The following LUC7L2 variants were observed in gnomAD, a reference collection of about 807,000 sequenced individuals.
The protein encoded by LUC7L2 is LUC7 like 2, pre-mRNA splicing factor, also known as putative RNA-binding protein Luc7-like 2.
LUC7L2 carries 25 observed loss-of-function variants against 52.8 expected under a neutral mutation model. That is an observed-to-expected ratio of 0.47 (90% CI 0.34 to 0.66). The LOEUF (loss-of-function observed/expected upper bound fraction) is 0.66, where lower values mean the gene tolerates loss of function less well. Among genes scored for constraint, LUC7L2 ranks in the 30% least tolerant of loss-of-function variants. The pLI is 0.01. For synonymous variants in LUC7L2, 144 were observed against 160.9 expected (o/e 0.89, Z 0.80); for missense variants, 328 against 497.8 (o/e 0.66, Z 3.25).
chr7:139,412,084 A>C (rs1023335682), intron 7 of LUC7L2, among the ~76,000 whole-genome samples: 2 of 152,058 alleles, frequency 1.3e-5, no homozygotes, highest in African/African-American at 4.8e-5. Flanking sequence ...GAACCAGTAA[A>C]TTATAATGCA....
chr7:139,343,917 C>A (rs1382838837), intron 1 of LUC7L2, among the ~76,000 whole-genome samples: 2 of 142,932 alleles, frequency 1.4e-5, no homozygotes, highest in East Asian at 2.0e-4. Flanking sequence ...CAAAGTGAGA[C>A]CCTGTCCCCA....
chr7:139,371,828 G>A (rs991498659), intron 1 of LUC7L2, among the ~76,000 whole-genome samples: 3 of 152,128 alleles, frequency 2.0e-5, no homozygotes, highest in Admixed American at 2.0e-4. Context: ...ATATTCCCTG[G>A]TGGAACTGAC....
chr7:139,412,620 G>T, intron 8 of LUC7L2, 40 bp downstream of exon 8: 3 of 1,558,156 alleles, frequency 1.9e-6, no homozygotes, highest in South Asian at 1.2e-5. Context: ...TAGTGAAGTT[G>T]TCTTTTTCAA....
chr7:139,342,195 C>T (rs6965601), intron 1 of LUC7L2, among the ~76,000 whole-genome samples: 1 of 151,946 alleles, frequency 6.6e-6, no homozygotes, highest in Non-Finnish European at 1.5e-5. Context: ...GTGTCCTGTC[C>T]TTAAGACACT....
chr7:139,368,363 T>A (rs1336529524), intron 1 of LUC7L2, among the ~76,000 whole-genome samples: 1 of 152,234 alleles, frequency 6.6e-6, no homozygotes, highest in African/African-American at 2.4e-5. Context: ...TTTAAAAAAA[T>A]GTTTTAAAAA....
At chr7:139,415,573 CTT>C (rs376954972) in intron 8 of LUC7L2, among the ~76,000 whole-genome samples, 131 of 116,150 alleles carry the variant, frequency 1.1e-3, no homozygotes, top group African/African-American at 4.3e-3. Context: ...GGAAATAACG[CTT>C]TTTTTTTTTT....
At position 139,417,671 on chromosome 7, in the gene LUC7L2, A is replaced by T; in HGVS notation, c.943A>T (p.Ser315Cys). Reference sequence around the variant, plus strand: ...CTCCAGCAGCCGTAGCCGCAGCCGTAGCCACCAGAGAAGTCGGCACAGTTC... The same window carrying T: ...CTCCAGCAGCCGTAGCCGCAGCCGTTGCCACCAGAGAAGTCGGCACAGTTC... ...SRSSSRSRSR[S>C]HQRSRHSSRD... The change falls in exon 9 of 10, where the codon AGC becomes TGC. Residue 315 changes from serine (S) to cysteine (C), a missense_variant. Physicochemically the swap from Ser to Cys is moderately radical, Grantham distance 112 (BLOSUM62 -1). Transcript: ENST00000354926. 6.2e-7 allele frequency: 1 copy of T among 1,614,232 alleles called. No individual in the cohort carries two copies. Among genetic ancestry groups the T allele is most frequent in the Non-Finnish European group, 8.5e-7 (1 of 1,180,048 alleles).
upstream of LUC7L2, among the ~76,000 whole-genome samples, chr7:139,356,916 G>A (rs1799623736): frequency 6.6e-6 from 1 of 152,136 alleles, no homozygotes; most frequent in Admixed American, 6.5e-5. Flanking sequence ...AGCAAAATAA[G>A]TGGTAAATAA....
intron 2 of LUC7L2, among the ~76,000 whole-genome samples, chr7:139,381,083 A>G (rs563828914): frequency 1.1e-4 from 16 of 151,898 alleles, no homozygotes; most frequent in Non-Finnish European, 5.9e-5. Flanking sequence ...CATATCTTCT[A>G]GTGTAAAGTC....
intron 2 of LUC7L2, among the ~76,000 whole-genome samples, chr7:139,385,299 C>T (rs1033343080): frequency 1.4e-5 from 2 of 142,950 alleles, no homozygotes; most frequent in Non-Finnish European, 3.0e-5. Flanking sequence ...TTGAATCTAT[C>T]AGTTAGGATT....
chr7:139,346,731 A>G (rs547603290), intron 1 of LUC7L2, among the ~76,000 whole-genome samples: 10 of 152,296 alleles, frequency 6.6e-5, no homozygotes, highest in African/African-American at 2.2e-4. Flanking sequence ...GCTCAGCTAT[A>G]ACCCACAGAG....
chr7:139,358,706 T>C (rs756869433), upstream of LUC7L2, among the ~76,000 whole-genome samples: 5 of 152,220 alleles, frequency 3.3e-5, no homozygotes, highest in Non-Finnish European at 5.9e-5. Flanking sequence ...TTTTTTTTTT[T>C]AGAAGTCTCG....
intron 2 of LUC7L2, among the ~76,000 whole-genome samples, chr7:139,391,295 T>G (rs1161170177): frequency 1.3e-5 from 2 of 152,196 alleles, no homozygotes; most frequent in Non-Finnish European, 2.9e-5. Context: ...TAGTAGAAAT[T>G]ATATTCTCAT....
rs924507019 is a variant in LUC7L2 at position 139,359,944 on chromosome 7, G to C, written c.-318G>C. The C allele has an allele frequency of 3.1e-5, 13 of 422,898 alleles. No individual in the cohort carries two copies. Among genetic ancestry groups the C allele is most frequent in the Non-Finnish European group, 4.6e-5 (11 of 238,812 alleles). The allele number at this position is 422,898 out of a possible 1,614,324, so 26.2% of individuals were successfully genotyped here. A position where few individuals can be genotyped will look rare whatever the true frequency, so the allele number is the denominator to read the frequency against. Reference sequence around the variant, plus strand: ...CGAGCGGCGTCAGAGCTTGAGGGGGGGTTGACGGCTTCTGGCGGGTGGCGG... The same window carrying C: ...CGAGCGGCGTCAGAGCTTGAGGGGGCGTTGACGGCTTCTGGCGGGTGGCGG... On this transcript the variant is annotated 5_prime_UTR_variant, in exon 1 of 10. Coordinates refer to ENST00000354926, the MANE Select transcript of LUC7L2 (RefSeq NM_016019.5).
intron 1 of LUC7L2, among the ~76,000 whole-genome samples, chr7:139,361,060 G>T (rs551492556): frequency 2.6e-5 from 4 of 152,300 alleles, no homozygotes; most frequent in African/African-American, 9.6e-5. Flanking sequence ...GAATAGAGGA[G>T]AACAAAGATC....
chr7:139,375,880 T>A (rs1800680240), intron 1 of LUC7L2, 182 bp from the exon 2 acceptor site: 3 of 591,966 alleles, frequency 5.1e-6, no homozygotes, highest in Non-Finnish European at 8.6e-6. Flanking sequence ...GCAGTACACT[T>A]ACTGCAACTG....
chr7:139,359,211 C>T (rs564404387), upstream of LUC7L2: 9 of 152,392 alleles, frequency 5.9e-5, no homozygotes, highest in African/African-American at 2.2e-4. Flanking sequence ...AGATCGCCTC[C>T]CCAGTAGCTG....
intron 2 of LUC7L2, among the ~76,000 whole-genome samples, chr7:139,397,573 G>C (rs891972999): frequency 3.3e-5 from 5 of 152,168 alleles, no homozygotes; most frequent in African/African-American, 1.2e-4. Flanking sequence ...CAGAGATTTT[G>C]AGGTATTCCA....
chr7:139,411,538 A>G (rs563653383), intron 7 of LUC7L2, among the ~76,000 whole-genome samples: 5 of 152,286 alleles, frequency 3.3e-5, no homozygotes, highest in Non-Finnish European at 7.4e-5. Flanking sequence ...TACTTAGGTC[A>G]CACAGACAGT....
Sources: allele counts gnomAD v4.1 joint callset (sites outside exome capture counted in the v4.1 genomes callset), GRCh38; gene constraint gnomAD v4.1.1; transcripts MANE v1.5; gene names NCBI Gene and HGNC (gene_info 2026-07-23, HGNC 2026-07-21).